The following BCAT1 variants were observed in gnomAD, a reference collection of about 807,000 sequenced individuals.
The protein encoded by BCAT1 is branched-chain-amino-acid aminotransferase, cytosolic.
A neutral mutation model predicts 52.4 loss-of-function variants in BCAT1; 48 were observed. That is an observed-to-expected ratio of 0.92 (90% CI 0.73 to 1.16). BCAT1 has a LOEUF of 1.16. Among genes scored for constraint, BCAT1 ranks in the 50% most tolerant of loss-of-function variants. BCAT1 has a pLI of 0.00. For missense variants in BCAT1, 451 were observed against 457.1 expected (o/e 0.99, Z 0.12); for synonymous variants, 167 against 161.3 (o/e 1.04, Z -0.27).
intron 1 of BCAT1, among the ~76,000 whole-genome samples, chr12:24,921,776 C>G (rs1943503127): frequency 6.6e-6 from 1 of 152,206 alleles, no homozygotes; most frequent in South Asian, 2.1e-4. Flanking sequence ...TTAGTCACAA[C>G]TTGATAAACT....
At chr12:24,832,612 A>C (rs1221146389) in intron 9 of BCAT1, 111 bp downstream of exon 9, 1 of 1,293,416 alleles carries the variant, frequency 7.7e-7, no homozygotes, top group East Asian at 2.5e-5. Context: ...AACAACGACA[A>C]AACTTTTGCA....
intron 2 of BCAT1, among the ~76,000 whole-genome samples, chr12:24,898,816 T>C (rs1251565985): frequency 6.6e-6 from 1 of 152,140 alleles, no homozygotes; most frequent in Non-Finnish European, 1.5e-5. Context: ...ATGCCAGGCC[T>C]GTCAACACCT....
intron 7 of BCAT1, among the ~76,000 whole-genome samples, chr12:24,838,662 C>T (rs946401512): frequency 2.0e-5 from 3 of 152,152 alleles, no homozygotes; most frequent in African/African-American, 7.2e-5. Flanking sequence ...AGAACTGTAA[C>T]CACTAGCCTG....
At chr12:24,829,720 C>G (rs1566558755) in intron 10 of BCAT1, 103 bp downstream of exon 10, 37 of 927,870 alleles carry the variant, frequency 4.0e-5, no homozygotes, top group Non-Finnish European at 5.0e-5. Flanking sequence ...TTATTTAATC[C>G]TCTTCATTGA....
rs1205188218 is a variant in BCAT1, at chr12:24,832,803, C to T, written c.964G>A (p.Gly322Arg). ...CCAAACATCTCTCTCACTCTGTTCC[C>T]CTCCAGGGCTGTTGTCAAGTCATCC... ...TMDDLTTALE[G>R]NRVREMFGSG... Residue 322 changes from glycine (G) to arginine (R), a missense_variant, in exon 9 of 11, where the codon GGG becomes AGG. Gly to Arg is a moderately radical substitution (Grantham distance 125, BLOSUM62 -2). Transcript: ENST00000261192. 6.2e-7 allele frequency: 1 copy of T among 1,612,188 alleles called. No homozygotes were observed. The highest frequency in any genetic ancestry group is 1.3e-5 in the African/African-American group (1 of 75,046).
intron 3 of BCAT1, among the ~76,000 whole-genome samples, chr12:24,891,980 A>G (rs1466256578): frequency 6.6e-6 from 1 of 150,426 alleles, no homozygotes; most frequent in Non-Finnish European, 1.5e-5. Context: ...GATGGTCTCG[A>G]TCTCCTGACC....
chr12:24,832,848 A>T lies in BCAT1; in HGVS notation c.919T>A (p.Ser307Thr), dbSNP rs1565451195. 2.5e-6 allele frequency: 4 copies of T among 1,611,078 alleles called. No individual in the cohort carries two copies. In the Admixed American group the frequency reaches 5.1e-5, roughly 20 times the overall value. Residue 307 changes from serine (S) to threonine (T), a missense_variant, in exon 9 of 11, where the codon TCA becomes ACA. Coordinates refer to ENST00000261192, the MANE Select transcript of BCAT1 (RefSeq NM_005504.7). ...LAHQWGEFKV[S>T]ERYLTMDDLT... ...TCATCCATGGTGAGGTATCTCTCTG[A>T]CACCTTAAATTCACCCTGCATGGAA... is the stretch of plus-strand genomic sequence containing the variant.
chr12:24,828,883 T>G (rs1466580556), intron 10 of BCAT1, among the ~76,000 whole-genome samples: 1 of 151,730 alleles, frequency 6.6e-6, no homozygotes, highest in Non-Finnish European at 1.5e-5. Flanking sequence ...GCATGAGACC[T>G]GTAATCCCAG....
chr12:24,811,594 C>G lies in BCAT1; in HGVS notation c.*6414G>C, dbSNP rs899890396. 2 of 152,118 alleles carry G rather than the reference C, an allele frequency of 1.3e-5. No individual in the cohort carries two copies. The highest frequency in any genetic ancestry group is 4.1e-4 in the South Asian group (2 of 4,834). 9.4% of individuals were successfully genotyped at this position (152,118 alleles called of 1,614,324 possible). ...TCAGAGCATGAGGTAGTTTCCTTTACCTACGATATTTTCCACATTTCCATT... is the reference window on the plus strand; with the variant it reads ...TCAGAGCATGAGGTAGTTTCCTTTAGCTACGATATTTTCCACATTTCCATT... On this transcript the variant is annotated 3_prime_UTR_variant, in exon 11 of 11. Coordinates refer to ENST00000261192, the MANE Select transcript of BCAT1 (RefSeq NM_005504.7).
chr12:24,907,186 A>T (rs529484300), intron 1 of BCAT1, among the ~76,000 whole-genome samples: 50 of 152,248 alleles, frequency 3.3e-4, no homozygotes, highest in African/African-American at 1.2e-3. Flanking sequence ...TACCTGTAAC[A>T]TTCCCTGCCT....
chr12:24,834,598 T>C (rs1940841324), intron 8 of BCAT1: 2 of 979,172 alleles, frequency 2.0e-6, no homozygotes, highest in South Asian at 9.4e-5. Flanking sequence ...AAATCAAAGC[T>C]CTTGGCAATA....
chr12:24,873,840 T>C (rs1207214331), intron 5 of BCAT1, among the ~76,000 whole-genome samples: 2 of 152,236 alleles, frequency 1.3e-5, no homozygotes, highest in Non-Finnish European at 2.9e-5. Flanking sequence ...CTGGTATTTT[T>C]AATTGCCAAT....
chr12:24,841,811 A>G (rs1214613329), intron 7 of BCAT1, among the ~76,000 whole-genome samples: 2 of 152,128 alleles, frequency 1.3e-5, no homozygotes, highest in African/African-American at 4.8e-5. Context: ...CGGGAGGCTG[A>G]GGCAGGAGAA....
At chr12:24,859,670 T>A (rs188970681) in intron 5 of BCAT1, among the ~76,000 whole-genome samples, 1 of 151,270 alleles carries the variant, frequency 6.6e-6, no homozygotes, top group African/African-American at 2.4e-5. Context: ...CTTTGTATTA[T>A]CATTTTGGCT....
Position 24,901,858 on chromosome 12 carries a change from A to G in BCAT1, c.34T>C (p.Cys12Arg), listed in dbSNP as rs368733141. 6.4e-5 allele frequency: 103 copies of G among 1,613,858 alleles called. No homozygotes were observed. Among genetic ancestry groups the G allele is most frequent in the Non-Finnish European group, 8.4e-5 (99 of 1,179,898 alleles). The change falls in exon 2 of 11, where the codon TGT (cysteine) becomes CGT (arginine). Residue 12 changes from cysteine to arginine, a missense_variant. Coordinates refer to ENST00000261192, the MANE Select transcript of BCAT1 (RefSeq NM_005504.7). ...TCTTTTGATCCTCCTTCTCCGGTAC[A>G]CTCTGCGGAGCATCCGTTACTGCAA... ...KDCSNGCSAECTGEGGSKEVV... is the reference protein window; with the variant it reads ...KDCSNGCSAERTGEGGSKEVV...
intron 6 of BCAT1, among the ~76,000 whole-genome samples, chr12:24,849,252 T>G (rs1265238055): frequency 6.6e-6 from 1 of 152,260 alleles, no homozygotes; most frequent in Non-Finnish European, 1.5e-5. Flanking sequence ...GAGACTGGCC[T>G]GACAGAGCCA....
At chr12:24,879,950 T>G (rs1271699342) in intron 4 of BCAT1, among the ~76,000 whole-genome samples, 1 of 152,226 alleles carries the variant, frequency 6.6e-6, no homozygotes, top group African/African-American at 2.4e-5. Context: ...AGCCCCATTT[T>G]AAAGACTTTT....
At chr12:24,878,271 A>G (rs73061812) in intron 5 of BCAT1, among the ~76,000 whole-genome samples, 18,178 of 152,218 alleles carry the variant, frequency 0.12, 1,143 homozygotes, top group East Asian at 0.16. Flanking sequence ...TAATCGAATT[A>G]TAATTGATTT....
chr12:24,903,078 C>A, intron 1 of BCAT1: 1 of 1,384,708 alleles, frequency 7.2e-7, no homozygotes, highest in Non-Finnish European at 9.3e-7. Flanking sequence ...GGCCAAGCCC[C>A]GGCGCACGGC....
Sources: gnomAD v4.1 joint callset for allele counts (sites outside exome capture counted in the v4.1 genomes callset) on GRCh38, gnomAD v4.1.1 for gene constraint, MANE v1.5 for transcripts, NCBI Gene and HGNC (gene_info 2026-07-23, HGNC 2026-07-21) for gene names.